Variants in DACH1 observed in about 807,000 individuals in gnomAD.
DACH1 encodes dachshund homolog 1.
Under a neutral mutation model 54.2 loss-of-function variants are expected in DACH1, and 12 were observed. The observed-to-expected ratio is 0.22, with a 90% CI of 0.14 to 0.36. The LOEUF is 0.36. Among genes scored for constraint, DACH1 ranks in the 10% least tolerant of loss-of-function variants. The probability of loss-of-function intolerance (pLI) is 1.00; values close to 1 mark genes in which losing one functional copy is unlikely to be tolerated. For missense variants in DACH1, 805 were observed against 929.8 expected, an observed-to-expected ratio of 0.87 and a Z score of 1.75; for synonymous variants, 386 against 366.2, an observed-to-expected ratio of 1.05 and a Z score of -0.62.
intron 1 of DACH1, among the ~76,000 whole-genome samples, chr13:71,835,944 A>G (rs749814812): frequency 3.0e-4 from 46 of 152,124 alleles, no homozygotes; most frequent in Middle Eastern, 3.2e-3. Context: ...ATACCTCTTA[A>G]TACAAAACCA....
At chr13:71,836,841 T>A (rs1399759145) in intron 1 of DACH1, among the ~76,000 whole-genome samples, 3 of 152,064 alleles carry the variant, frequency 2.0e-5, no homozygotes, top group Non-Finnish European at 4.4e-5. Context: ...TTATGTTAAT[T>A]CTTTATTGCC....
At chr13:71,578,913 T>C (rs986172885) in intron 3 of DACH1, among the ~76,000 whole-genome samples, 8 of 152,128 alleles carry the variant, frequency 5.3e-5, no homozygotes, top group African/African-American at 1.9e-4. Context: ...TATTCTTACA[T>C]CAATTTATTT....
intron 2 of DACH1, among the ~76,000 whole-genome samples, chr13:71,651,222 C>CCT (rs1878640065): frequency 6.6e-6 from 1 of 151,942 alleles, no homozygotes; most frequent in South Asian, 2.1e-4. Context: ...TGCATGAGGG[C>CCT]AGGGCACGGT....
chr13:71,823,174 T>C (rs1418927284), intron 1 of DACH1, among the ~76,000 whole-genome samples: 1 of 152,080 alleles, frequency 6.6e-6, no homozygotes, highest in African/African-American at 2.4e-5. Flanking sequence ...AAAGCAACCC[T>C]TTCATTAAAA....
At chr13:71,687,476 A>G (rs1881237627) in intron 1 of DACH1, among the ~76,000 whole-genome samples, 1 of 152,210 alleles carries the variant, frequency 6.6e-6, no homozygotes, top group Non-Finnish European at 1.5e-5. Context: ...AATACATAGA[A>G]AAAAAGACTG....
intron 2 of DACH1, among the ~76,000 whole-genome samples, chr13:71,656,488 G>C (rs1186621713): frequency 6.6e-6 from 1 of 152,020 alleles, no homozygotes; most frequent in Non-Finnish European, 1.5e-5. Flanking sequence ...ACCAGTCTAA[G>C]TCTAGGCTAA....
intron 1 of DACH1, among the ~76,000 whole-genome samples, chr13:71,856,360 C>A (rs555121693): frequency 6.6e-6 from 1 of 151,518 alleles, no homozygotes. Flanking sequence ...GTCAACAGTG[C>A]GTAAGAAAAA....
chr13:71,446,457 G>A (rs899590099), intron 10 of DACH1, among the ~76,000 whole-genome samples: 5 of 152,110 alleles, frequency 3.3e-5, no homozygotes, highest in East Asian at 1.9e-4. Flanking sequence ...GTGCTATATC[G>A]ATTTTAAGTC....
intron 2 of DACH1, among the ~76,000 whole-genome samples, chr13:71,656,083 T>C (rs757764138): frequency 1.3e-5 from 2 of 152,248 alleles, no homozygotes; most frequent in Non-Finnish European, 2.9e-5. Context: ...ATTTTGGGTA[T>C]TGGGCTTTAT....
intron 10 of DACH1, among the ~76,000 whole-genome samples, chr13:71,457,340 C>A (rs934884991): frequency 2.6e-5 from 4 of 151,956 alleles, no homozygotes; most frequent in African/African-American, 9.7e-5. Flanking sequence ...TAGATAAAAT[C>A]TGCAGAATCA....
intron 2 of DACH1, among the ~76,000 whole-genome samples, chr13:71,640,995 T>A (rs1242686222): frequency 6.6e-6 from 1 of 152,060 alleles, no homozygotes; most frequent in Non-Finnish European, 1.5e-5. Flanking sequence ...TTTTTTTCTT[T>A]TTCCAGATTC....
At chr13:71,801,085 T>C (rs988971413) in intron 1 of DACH1, among the ~76,000 whole-genome samples, 40 of 150,868 alleles carry the variant, frequency 2.7e-4, no homozygotes, top group African/African-American at 9.3e-4. Context: ...GCAGTGTTTC[T>C]AGACTTTGGA....
chr13:71,663,138 G>T (rs1290663489), intron 2 of DACH1, among the ~76,000 whole-genome samples: 1 of 149,692 alleles, frequency 6.7e-6, no homozygotes, highest in Non-Finnish European at 1.5e-5. Context: ...GAAATAAAGG[G>T]TGTGTGTAAT....
At chr13:71,620,615 T>G (rs1378128652) in intron 3 of DACH1, among the ~76,000 whole-genome samples, 1 of 151,990 alleles carries the variant, frequency 6.6e-6, no homozygotes, top group African/African-American at 2.4e-5. Flanking sequence ...GTCATAACAC[T>G]TTTACATTTG....
rs79481319 is a variant in DACH1 at position 71,573,652 on chromosome 13, A to T, written c.1127-640T>A. On this transcript the variant is annotated intron_variant, in intron 3 of 10. Coordinates refer to ENST00000613252, the MANE Select transcript of DACH1 (RefSeq NM_080759.6). Reference sequence around the variant, plus strand: ...ATGACTAACTTAAAATGAGTTTTTTAAAAAATGTATCACATTTGGAGTTGG... The same window carrying T: ...ATGACTAACTTAAAATGAGTTTTTTTAAAAATGTATCACATTTGGAGTTGG... 4,804 of 436,128 alleles carry T rather than the reference A, an allele frequency of 0.011. 299 individuals carry two copies. The East Asian group carries it at 0.14, about 13-fold the overall frequency. The allele number at this position is 436,128 out of a possible 1,614,324, so 27.0% of individuals were successfully genotyped here. A position where few individuals can be genotyped will look rare whatever the true frequency, so the allele number is the denominator to read the frequency against.
At chr13:71,663,950 A>G (rs1228077224) in intron 2 of DACH1, among the ~76,000 whole-genome samples, 1 of 151,932 alleles carries the variant, frequency 6.6e-6, no homozygotes, top group African/African-American at 2.4e-5. Context: ...GAAACAGTAC[A>G]CTGAGGTTTT....
chr13:71,664,089 C>A lies in DACH1; in HGVS notation c.964+17706G>T, dbSNP rs532563793. ...TGATCAAACCTGGCATTTTTGTTGA[C>A]AGACTTTGTAGTGAGGCCAAAGGTG... is the stretch of plus-strand genomic sequence containing the variant. On this transcript the variant is annotated intron_variant, in intron 2 of 10. Transcript: ENST00000613252. Among the ~76,000 whole-genome samples, 9 of 152,020 alleles carry A rather than the reference C, an allele frequency of 5.9e-5. No homozygotes were observed. In the South Asian group the frequency reaches 1.9e-3, roughly 32 times the overall value.
chr13:71,793,549 T>C (rs1212031163), intron 1 of DACH1, among the ~76,000 whole-genome samples: 4 of 152,220 alleles, frequency 2.6e-5, no homozygotes, highest in Non-Finnish European at 2.9e-5. Context: ...TTTTCTTTCT[T>C]TTTGGAAACA....
At chr13:71,570,714 T>C (rs1341120502) in intron 4 of DACH1, among the ~76,000 whole-genome samples, 1 of 152,132 alleles carries the variant, frequency 6.6e-6, no homozygotes, top group African/African-American at 2.4e-5. Context: ...CCTTTCTCCA[T>C]ATATCCCCCT....
Sources: allele counts gnomAD v4.1 joint callset (sites outside exome capture counted in the v4.1 genomes callset), GRCh38; gene constraint gnomAD v4.1.1; transcripts MANE v1.5; gene names NCBI Gene and HGNC (gene_info 2026-07-23, HGNC 2026-07-21).